RAD21L1: variants seen among roughly 807,000 people sequenced by gnomAD.
RAD21L1 encodes RAD21 cohesin complex component like 1.
RAD21L1 carries 47 observed loss-of-function variants against 69.0 expected under a neutral mutation model. That is an observed-to-expected ratio of 0.68 (90% CI 0.54 to 0.87). The LOEUF (loss-of-function observed/expected upper bound fraction) is 0.87, where lower values mean the gene tolerates loss of function less well. RAD21L1 is among the 40% of genes least tolerant of loss of function. The pLI is 0.00. For synonymous variants in RAD21L1, 177 were observed against 205.8 expected (o/e 0.86, Z 1.20); for missense variants, 583 against 647.6 (o/e 0.90, Z 1.08).
chr20:1,248,641 G>A lies in RAD21L1; in HGVS notation c.1417G>A (p.Glu473Lys). The change falls in exon 13 of 14, where the codon GAA (glutamate) becomes AAA (lysine). Residue 473 changes from glutamate (E) to lysine (K), a missense_variant. Physicochemically the swap from Glu to Lys is moderately conservative, Grantham distance 56 (BLOSUM62 1). Transcript: ENST00000683101. The stretch of plus-strand genomic sequence containing the variant: ...ATTCAAACAGGAGTCATTGAGCAAT[G>A]AAGAAAATATTGAGACAGAGAGATG... ...SPVELESLSNEENIETERWNG... is the reference protein window; with the variant it reads ...SPVELESLSNKENIETERWNG... 1 of 1,530,356 alleles carries A rather than the reference G, an allele frequency of 6.5e-7. No individual in the cohort carries two copies. The highest frequency in any genetic ancestry group is 1.2e-5 in the South Asian group (1 of 81,476). 94.8% of individuals were successfully genotyped at this position (1,530,356 alleles called of 1,614,324 possible).
chr20:1,250,242 CT>C (rs1405389640), intron 13 of RAD21L1, among the ~76,000 whole-genome samples: 3 of 146,224 alleles, frequency 2.1e-5, no homozygotes, highest in Admixed American at 6.9e-5. Flanking sequence ...CATTTTCTTT[CT>C]TTTTTTTTCT....
At chr20:1,237,659 A>G (rs1474852300) in intron 5 of RAD21L1, among the ~76,000 whole-genome samples, 1 of 152,024 alleles carries the variant, frequency 6.6e-6, no homozygotes, top group South Asian at 2.1e-4. Flanking sequence ...CCAAACCTCC[A>G]CTATGCATGA....
chr20:1,246,692 A>C lies in RAD21L1; in HGVS notation c.1401+387A>C, dbSNP rs2087724781. Reference sequence around the variant, plus strand: ...TGAAATTTTATCTTATTTACAAAAAACTTGTGGGCAATTTTTCCTTTAACA... The same window carrying C: ...TGAAATTTTATCTTATTTACAAAAACCTTGTGGGCAATTTTTCCTTTAACA... On this transcript the variant is annotated intron_variant, in intron 12 of 13. Transcript: ENST00000683101. This position sits in a 1 kb window ranked among gnomAD's most constrained non-coding sequence, Gnocchi z 4.6. 6.6e-6 allele frequency among the ~76,000 whole-genome samples: 1 copy of C among 152,118 alleles called. No homozygotes were observed. The highest frequency in any genetic ancestry group is 1.5e-5 in the Non-Finnish European group (1 of 68,008).
At chr20:1,244,749 G>A (rs962169383) in intron 11 of RAD21L1, among the ~76,000 whole-genome samples, 6 of 151,872 alleles carry the variant, frequency 4.0e-5, no homozygotes, top group African/African-American at 1.5e-4. Flanking sequence ...TATTTTATTG[G>A]TTGTACAAAT....
At chr20:1,248,285 C>G (rs2087757448) in intron 12 of RAD21L1, among the ~76,000 whole-genome samples, 1 of 152,038 alleles carries the variant, frequency 6.6e-6, no homozygotes, top group Admixed American at 6.6e-5. Flanking sequence ...TTGACCAGAA[C>G]TAGGATAACC....
chr20:1,246,223 A>T lies in RAD21L1; in HGVS notation c.1319A>T (p.Glu440Val). 1 of 1,537,132 alleles carries T rather than the reference A, an allele frequency of 6.5e-7. No homozygotes were observed. Among genetic ancestry groups the T allele is most frequent in the Non-Finnish European group, 8.8e-7 (1 of 1,140,704 alleles). Residue 440 changes from glutamate (E) to valine (V), a missense_variant, in exon 12 of 14, where the codon GAA becomes GTA. Glu to Val is a moderately radical substitution (Grantham distance 121). Coordinates refer to ENST00000683101, the MANE Select transcript of RAD21L1 (RefSeq NM_001384355.1). This position sits in a 1 kb window ranked among gnomAD's most constrained non-coding sequence, Gnocchi z 4.6. ...NKNINSEDIV[E>V]MVSLAAEESS... is the part of the protein sequence containing the mutation. ...AATTTGCTTCAGCAGGATATTGTTG[A>T]AATGGTGTCTTTAGCTGCTGAGGAA...
intron 8 of RAD21L1, among the ~76,000 whole-genome samples, chr20:1,241,344 A>T (rs2087603347): frequency 6.6e-6 from 1 of 152,246 alleles, no homozygotes; most frequent in Non-Finnish European, 1.5e-5. Flanking sequence ...TTCAAGCATC[A>T]TATTTTTAGG....
intron 12 of RAD21L1, among the ~76,000 whole-genome samples, chr20:1,247,955 T>C (rs1384424636): frequency 6.6e-6 from 1 of 151,278 alleles, no homozygotes; most frequent in African/African-American, 2.4e-5. Flanking sequence ...TCAGTTTCTG[T>C]TCTCACATCA....
rs1342869665 is a variant in RAD21L1, at chr20:1,255,235, G to A, written c.*778G>A. Among the ~76,000 whole-genome samples, 2 of 152,166 alleles carry A rather than the reference G, an allele frequency of 1.3e-5. No homozygotes were observed. The highest frequency in any genetic ancestry group is 3.9e-4 in the East Asian group (2 of 5,190). ...TTAATGTGTCAGCAAAACTAAATCTGCTTCTTATGTTTAAAAAAATTAGCA... is the reference window on the plus strand; with the variant it reads ...TTAATGTGTCAGCAAAACTAAATCTACTTCTTATGTTTAAAAAAATTAGCA... On this transcript the variant is annotated 3_prime_UTR_variant, in exon 14 of 14. Coordinates refer to ENST00000683101, the MANE Select transcript of RAD21L1 (RefSeq NM_001384355.1).
At chr20:1,253,577 G>A (rs182986623) in intron 13 of RAD21L1, among the ~76,000 whole-genome samples, 84 of 152,264 alleles carry the variant, frequency 5.5e-4, no homozygotes, top group Middle Eastern at 3.4e-3. Context: ...GATTACAGGC[G>A]TGAGCCACCA....
chr20:1,244,543 A>G (rs937573141), intron 11 of RAD21L1, among the ~76,000 whole-genome samples: 4 of 152,146 alleles, frequency 2.6e-5, no homozygotes, highest in Admixed American at 1.3e-4. Flanking sequence ...TTCATCATAA[A>G]TTCACCCAAG....
rs1219798305 is a variant in RAD21L1, at chr20:1,242,837, C to T, written c.1075C>T (p.Leu359=). 1.3e-6 allele frequency: 2 copies of T among 1,548,972 alleles called. No individual in the cohort carries two copies. Among genetic ancestry groups the T allele is most frequent in the South Asian group, 1.2e-5 (1 of 84,026 alleles). The change falls in exon 9 of 14, where the codon CTG becomes TTG. Residue 359 remains leucine (L), a synonymous_variant. Coordinates refer to ENST00000683101, the MANE Select transcript of RAD21L1 (RefSeq NM_001384355.1). ...TAAQDLIHAE[L]KMLFTKCFLS... is the part of the protein sequence containing the mutation. ...TGCCCAGGATTTGATTCATGCTGAA[C>T]TGAAAATGGTAACGGTTCCTACCCT...
At chr20:1,241,437 T>C (rs1245738308) in intron 8 of RAD21L1, among the ~76,000 whole-genome samples, 1 of 152,206 alleles carries the variant, frequency 6.6e-6, no homozygotes, top group East Asian at 1.9e-4. Flanking sequence ...TTTAGAAACA[T>C]CCTAGTTGTA....
intron 2 of RAD21L1, among the ~76,000 whole-genome samples, chr20:1,229,310 C>T (rs2087337053): frequency 6.6e-6 from 1 of 152,106 alleles, no homozygotes; most frequent in East Asian, 1.9e-4. Context: ...TCAGTTTTTT[C>T]TTCTGTAAAT....
chr20:1,231,207 C>T (rs920361510), intron 3 of RAD21L1, among the ~76,000 whole-genome samples: 4 of 152,100 alleles, frequency 2.6e-5, no homozygotes, highest in Non-Finnish European at 4.4e-5. Context: ...AACAAAAAGG[C>T]TAGTATGGTC....
chr20:1,238,253 T>C, intron 6 of RAD21L1, 39 bp downstream of exon 6: 5 of 1,305,752 alleles, frequency 3.8e-6, no homozygotes, highest in Non-Finnish European at 5.1e-6. Flanking sequence ...ATATTTATTT[T>C]CATCAAATTA....
intron 8 of RAD21L1, among the ~76,000 whole-genome samples, chr20:1,242,040 A>G (rs1395329161): frequency 1.3e-5 from 2 of 152,210 alleles, no homozygotes; most frequent in Non-Finnish European, 2.9e-5. Flanking sequence ...AAGCATTTTA[A>G]GGAACCTCCA....
rs942970117 is a variant in RAD21L1, at chr20:1,254,479, T to G, written c.*22T>G. ...ATGAAGGAAACCCAGACATACAGAT[T>G]TATGGCATCACTGGAATTTCTGTGT... On this transcript the variant is annotated 3_prime_UTR_variant, in exon 14 of 14. Transcript: ENST00000683101. The G allele has an allele frequency of 1.9e-5, 27 of 1,439,352 alleles. No homozygotes were observed. Among genetic ancestry groups the G allele is most frequent in the Non-Finnish European group, 2.5e-5 (27 of 1,077,942 alleles). The allele number at this position is 1,439,352 out of a possible 1,614,324, so 89.2% of individuals were successfully genotyped here. A position where few individuals can be genotyped will look rare whatever the true frequency, so the allele number is the denominator to read the frequency against.
At chr20:1,245,758 C>A (rs547379331) in intron 11 of RAD21L1, among the ~76,000 whole-genome samples, 1 of 152,020 alleles carries the variant, frequency 6.6e-6, no homozygotes, top group Non-Finnish European at 1.5e-5. Flanking sequence ...TCATGGTCCT[C>A]GGTAGGGATA....
Sources: allele counts gnomAD v4.1 joint callset (sites outside exome capture counted in the v4.1 genomes callset), GRCh38; gene constraint gnomAD v4.1.1; non-coding constraint Gnocchi (gnomAD v3.1); transcripts MANE v1.5; gene names NCBI Gene and HGNC (gene_info 2026-07-23, HGNC 2026-07-21).